TPH2: variants seen among roughly 807,000 people sequenced by gnomAD.
TPH2 encodes tryptophan hydroxylase 2, also known as tryptophan 5-hydroxylase 2.
In TPH2, 27 loss-of-function variants were observed where a neutral mutation model predicts 59.1. That is an observed-to-expected ratio of 0.46 (90% CI 0.34 to 0.63). The LOEUF is 0.63. Among genes scored for constraint, TPH2 ranks in the 30% least tolerant of loss-of-function variants. The probability of loss-of-function intolerance (pLI) is 0.01; values close to 1 mark genes in which losing one functional copy is unlikely to be tolerated. For synonymous variants in TPH2, 220 were observed against 210.5 expected, an observed-to-expected ratio of 1.05 and a Z score of -0.39; for missense variants, 523 against 588.3, an observed-to-expected ratio of 0.89 and a Z score of 1.15.
intron 6 of TPH2, among the ~76,000 whole-genome samples, chr12:71,978,693 C>A (rs1403371442): frequency 6.6e-6 from 1 of 152,186 alleles, no homozygotes; most frequent in Non-Finnish European, 1.5e-5. Flanking sequence ...GAATTTAAAT[C>A]TCTAAATACT....
chr12:72,006,841 A>G (rs891041234), intron 8 of TPH2, among the ~76,000 whole-genome samples: 1 of 152,128 alleles, frequency 6.6e-6, no homozygotes, highest in Non-Finnish European at 1.5e-5. Flanking sequence ...TAATGATACT[A>G]TACAATCTTG....
At chr12:71,961,600 T>G in intron 5 of TPH2, 1 of 1,352,130 alleles carries the variant, frequency 7.4e-7, no homozygotes, top group Non-Finnish European at 9.8e-7. Context: ...TTTCAGCTCT[T>G]TTCTGTATCA....
chr12:71,957,138 A>G (rs1592386247), intron 5 of TPH2, among the ~76,000 whole-genome samples: 2 of 152,282 alleles, frequency 1.3e-5, no homozygotes, highest in South Asian at 4.1e-4. Flanking sequence ...TCAAGCTGTC[A>G]TCTTAAAATG....
chr12:71,988,669 A>G (rs1423282467), intron 7 of TPH2, among the ~76,000 whole-genome samples: 2 of 152,190 alleles, frequency 1.3e-5, no homozygotes, highest in Non-Finnish European at 2.9e-5. Flanking sequence ...ATTGGGGTTT[A>G]CATTTTAACG....
Position 71,956,615 on chromosome 12 carries a change from C to T in TPH2, c.608+6960C>T, listed in dbSNP as rs117937657. 7.9e-3 allele frequency among the ~76,000 whole-genome samples: 1,199 copies of T among 151,158 alleles called. 8 individuals carry two copies. The highest frequency in any genetic ancestry group is 0.013 in the Non-Finnish European group (875 of 67,768). On this transcript the variant is annotated intron_variant, in intron 5 of 10. Coordinates refer to ENST00000333850, the MANE Select transcript of TPH2 (RefSeq NM_173353.4). Reference sequence around the variant, plus strand: ...TCCCTCCTTCCCTCTTTCTCTCCTTCCTTCCTTTTTTTGAAACAGGGTCTC... The same window carrying T: ...TCCCTCCTTCCCTCTTTCTCTCCTTTCTTCCTTTTTTTGAAACAGGGTCTC...
intron 5 of TPH2, among the ~76,000 whole-genome samples, chr12:71,971,582 C>G (rs1871974670): frequency 6.6e-6 from 1 of 152,172 alleles, no homozygotes; most frequent in Non-Finnish European, 1.5e-5. Flanking sequence ...TATATTAGAG[C>G]ACCAGTTTCT....
At chr12:72,008,120 G>A (rs867643844) in intron 8 of TPH2, among the ~76,000 whole-genome samples, 6 of 152,104 alleles carry the variant, frequency 3.9e-5, no homozygotes, top group Admixed American at 1.3e-4. Context: ...AGAAGAAGGC[G>A]GGCACTCACA....
intron 2 of TPH2, 36 bp downstream of exon 2, chr12:71,941,769 G>T: frequency 6.3e-7 from 1 of 1,597,236 alleles, no homozygotes; most frequent in South Asian, 1.1e-5. Context: ...TTTTAAAAGT[G>T]ACCGTGTGCC....
At chr12:71,969,912 A>G (rs1229151224) in intron 5 of TPH2, among the ~76,000 whole-genome samples, 2 of 152,210 alleles carry the variant, frequency 1.3e-5, no homozygotes, top group African/African-American at 4.8e-5. Context: ...AGATAATAAC[A>G]GTATCTACCT....
intron 9 of TPH2, among the ~76,000 whole-genome samples, chr12:72,025,380 C>T (rs1207621478): frequency 3.9e-5 from 6 of 152,098 alleles, no homozygotes; most frequent in Non-Finnish European, 5.9e-5. Flanking sequence ...TCTTCTTAAA[C>T]AGAACACATT....
rs1415318406 is a variant in TPH2, at chr12:71,944,584, A to G, written c.440-2A>G. On this transcript the variant is annotated splice_acceptor_variant, in intron 3 of 10. Transcript: ENST00000333850. LOFTEE classifies it high-confidence loss of function. ...TTTTTGAACCTGCACTGTTTTCAAC[A>G]GAGCTAGAGGATGTGCCCTGGTTCC... 1 of 1,613,660 alleles carries G rather than the reference A, an allele frequency of 6.2e-7. No individual in the cohort carries two copies. Among genetic ancestry groups the G allele is most frequent in the South Asian group, 1.1e-5 (1 of 91,082 alleles).
chr12:71,969,058 C>A (rs1166744563), intron 5 of TPH2, among the ~76,000 whole-genome samples: 1 of 152,100 alleles, frequency 6.6e-6, no homozygotes. Flanking sequence ...CCGAGGCGGG[C>A]GGATCACGAG....
intron 8 of TPH2, among the ~76,000 whole-genome samples, chr12:72,012,479 G>T (rs1013313472): frequency 6.6e-6 from 1 of 152,242 alleles, no homozygotes; most frequent in African/African-American, 2.4e-5. Flanking sequence ...AGTTCCCCAT[G>T]GGGTGGACAA....
At chr12:71,961,073 A>G (rs905727486) in intron 5 of TPH2, among the ~76,000 whole-genome samples, 2 of 152,152 alleles carry the variant, frequency 1.3e-5, no homozygotes, top group Non-Finnish European at 2.9e-5. Flanking sequence ...GAATGAGGAA[A>G]CGGAGGCCAA....
At chr12:71,970,060 C>G (rs1316523454) in intron 5 of TPH2, among the ~76,000 whole-genome samples, 1 of 152,142 alleles carries the variant, frequency 6.6e-6, no homozygotes, top group Admixed American at 6.5e-5. Flanking sequence ...TGGAAAATTT[C>G]TGATTTTTTC....
intron 5 of TPH2, among the ~76,000 whole-genome samples, chr12:71,970,479 G>T (rs187958440): frequency 6.6e-6 from 1 of 152,342 alleles, no homozygotes; most frequent in East Asian, 1.9e-4. Flanking sequence ...GCAGATTGAT[G>T]TTGAAGGGAA....
At chr12:71,976,840 G>A (rs1872133426) in intron 6 of TPH2, among the ~76,000 whole-genome samples, 1 of 152,160 alleles carries the variant, frequency 6.6e-6, no homozygotes, top group Non-Finnish European at 1.5e-5. Flanking sequence ...TAAAGGAATA[G>A]CCTTCCAGGA....
chr12:72,026,203 ATT>A (rs200217774), intron 9 of TPH2, among the ~76,000 whole-genome samples: 10 of 145,504 alleles, frequency 6.9e-5, no homozygotes, highest in African/African-American at 1.3e-4. Context: ...CAGAGATTAG[ATT>A]TTTTTTTTTT....
chr12:71,956,902 G>A (rs1430738158), intron 5 of TPH2, among the ~76,000 whole-genome samples: 1 of 152,000 alleles, frequency 6.6e-6, no homozygotes, highest in South Asian at 2.1e-4. Context: ...GAGCCACTGT[G>A]GCTGGCCCCA....
Sources: gnomAD v4.1 joint callset for allele counts (sites outside exome capture counted in the v4.1 genomes callset) on GRCh38, gnomAD v4.1.1 for gene constraint, MANE v1.5 for transcripts, NCBI Gene and HGNC (gene_info 2026-07-23, HGNC 2026-07-21) for gene names.